The following RNF41 variants were observed in gnomAD, a reference collection of about 807,000 sequenced individuals.
RNF41 encodes the protein ring finger protein 41, also known as E3 ubiquitin-protein ligase NRDP1.
RNF41 carries 4 observed loss-of-function variants against 33.0 expected under a neutral mutation model. The observed-to-expected ratio is 0.12, with a 90% CI of 0.06 to 0.28. RNF41 has a LOEUF of 0.28. RNF41 is among the 10% of genes least tolerant of loss of function. The probability of loss-of-function intolerance (pLI) is 1.00; values close to 1 mark genes in which losing one functional copy is unlikely to be tolerated. For synonymous variants in RNF41, 164 were observed against 153.2 expected, an observed-to-expected ratio of 1.07 and a Z score of -0.52; for missense variants, 228 against 432.6, an observed-to-expected ratio of 0.53 and a Z score of 4.19.
At chr12:56,211,666 G>T (rs1868489147) in intron 3 of RNF41, among the ~76,000 whole-genome samples, 1 of 151,962 alleles carries the variant, frequency 6.6e-6, no homozygotes, top group African/African-American at 2.4e-5. Context: ...ATATTTACTG[G>T]CAAAAATTCA....
Position 56,205,873 on chromosome 12 carries a change from CAGTGGGTGCCTACACCTTT to C in RNF41, c.*555_*573del, listed in dbSNP as rs1206544588. On this transcript the variant is annotated 3_prime_UTR_variant, in exon 7 of 7. Transcript: ENST00000345093. The stretch of plus-strand genomic sequence containing the variant: ...ATCCCAACCTGCATACTGGTAGACC[CAGTGGGTGCCTACACCTTT>C]AAGGTGGGCTGAACAGGGATACTGC... 2 of 153,220 alleles carry C rather than the reference CAGTGGGTGCCTACACCTTT, an allele frequency of 1.3e-5. No individual in the cohort carries two copies. The highest frequency in any genetic ancestry group is 3.2e-3 in the Middle Eastern group (1 of 316). 9.5% of individuals were successfully genotyped at this position (153,220 alleles called of 1,614,324 possible).
intron 4 of RNF41, 79 bp downstream of exon 4, chr12:56,210,218 T>C (rs1868377751): frequency 6.8e-7 from 1 of 1,480,094 alleles, no homozygotes; most frequent in Non-Finnish European, 9.3e-7. Flanking sequence ...CCTCCTCAGC[T>C]AGTGAGGAGG....
chr12:56,208,078 G>A (rs1188761648), intron 5 of RNF41, 85 bp downstream of exon 5: 11 of 1,512,688 alleles, frequency 7.3e-6, no homozygotes, highest in East Asian at 6.8e-5. Context: ...ACTGGTCTGT[G>A]TGTTCACAAC....
chr12:56,217,672 A>G lies in RNF41; in HGVS notation c.-208-1059T>C, dbSNP rs755879811. ...TGTGGCCTATCAGGAACCGGGTCGT[A>G]CAGCAGGAGGTGAGCAGGAAACAAG... is the stretch of plus-strand genomic sequence containing the variant. On this transcript the variant is annotated intron_variant, in intron 1 of 6. Coordinates refer to ENST00000345093, the MANE Select transcript of RNF41 (RefSeq NM_005785.4). 6.9e-4 allele frequency among the ~76,000 whole-genome samples: 105 copies of G among 152,336 alleles called. 1 individual carries two copies. The highest frequency in any genetic ancestry group is 3.4e-3 in the Middle Eastern group (1 of 294).
At chr12:56,209,680 A>G (rs1357569535) in intron 4 of RNF41, among the ~76,000 whole-genome samples, 1 of 151,780 alleles carries the variant, frequency 6.6e-6, no homozygotes, top group East Asian at 1.9e-4. Flanking sequence ...GATGGTCTCA[A>G]TCTCCTGACC....
At position 56,206,482 on chromosome 12, in the gene RNF41, C is replaced by A; in HGVS notation, c.919G>T (p.Val307Phe). The A allele has an allele frequency of 6.2e-7, 1 of 1,613,916 alleles. No homozygotes were observed. Among genetic ancestry groups the A allele is most frequent in the Non-Finnish European group, 8.5e-7 (1 of 1,179,856 alleles). The change falls in exon 7 of 7, where the codon GTC (valine) becomes TTC (phenylalanine). Residue 307 changes from valine to phenylalanine, a missense_variant. Coordinates refer to ENST00000345093, the MANE Select transcript of RNF41 (RefSeq NM_005785.4). This position sits in a 1 kb window ranked among gnomAD's most constrained non-coding sequence, Gnocchi z 5.7. ...GDDMVQEPGL[V>F]MIFAHGVEEI ...TCCACGCCATGCGCAAATATCATGA[C>A]AAGGCCTGGCTCTTGCACCATGTCA...
chr12:56,207,578 C>T (rs925200559), intron 6 of RNF41, 68 bp downstream of exon 6: 28 of 1,209,426 alleles, frequency 2.3e-5, no homozygotes, highest in South Asian at 7.2e-5. Flanking sequence ...TGCTACTCTC[C>T]TGCTCTTCCT....
At chr12:56,207,332 CTA>C (rs1868289252) in intron 6 of RNF41, 1 of 1,316,766 alleles carries the variant, frequency 7.6e-7, no homozygotes, top group East Asian at 3.9e-5. Flanking sequence ...ACGATATCTT[CTA>C]TTTCTTTTTG....
Position 56,205,227 on chromosome 12 carries a change from T to G in RNF41, c.*1220A>C, listed in dbSNP as rs1488019641. On this transcript the variant is annotated 3_prime_UTR_variant, in exon 7 of 7. Coordinates refer to ENST00000345093, the MANE Select transcript of RNF41 (RefSeq NM_005785.4). ...GAAATTTTTCCAGAGGGCACAGGCA[T>G]CGATGCTGGACTGTCATATCCTTCA... 1.3e-5 allele frequency: 2 copies of G among 152,214 alleles called. No individual in the cohort carries two copies. Among genetic ancestry groups the G allele is most frequent in the African/African-American group, 4.8e-5 (2 of 41,440 alleles). 9.4% of individuals were successfully genotyped at this position (152,214 alleles called of 1,614,324 possible).
Position 56,215,582 on chromosome 12 carries a change from G to C in RNF41, c.-24+847C>G, listed in dbSNP as rs369178567. On this transcript the variant is annotated intron_variant, in intron 2 of 6. Coordinates refer to ENST00000345093, the MANE Select transcript of RNF41 (RefSeq NM_005785.4). ...AAAAATACAAAAATTAGCCAGGCGT[G>C]GTGGTGCGCACCTGTAGTCCCAGCT... is the stretch of plus-strand genomic sequence containing the variant. Among the ~76,000 whole-genome samples the C allele has an allele frequency of 3.4e-4, 51 of 152,042 alleles. No individual in the cohort carries two copies. The East Asian group carries it at 9.3e-3, about 28-fold the overall frequency.
In RNF41 at chr12:56,208,254, T is replaced by G. The variant is rs1474778922; in HGVS notation, c.407A>C (p.Lys136Thr). ...KDELPNHNCI[K>T]HLRSVVQQQQ... ...CTGCTGTACCACTGAGCGCAGGTGC[T>G]TAATGCAGTTATGGTTGGGCAGCTC... Residue 136 changes from lysine to threonine, a missense_variant, in exon 5 of 7, where the codon AAG becomes ACG. Physicochemically the swap from Lys to Thr is moderately conservative, Grantham distance 78 (BLOSUM62 -1). Coordinates refer to ENST00000345093, the MANE Select transcript of RNF41 (RefSeq NM_005785.4). 1 of 1,614,242 alleles carries G rather than the reference T, an allele frequency of 6.2e-7. No individual in the cohort carries two copies. The highest frequency in any genetic ancestry group is 2.2e-5 in the East Asian group (1 of 44,886).
At chr12:56,207,852 C>A (rs1868303284) in intron 5 of RNF41, 103 bp from the exon 6 acceptor site, 1 of 947,580 alleles carries the variant, frequency 1.1e-6, no homozygotes, top group African/African-American at 1.6e-5. Context: ...TGAAGAACAA[C>A]CAGTTTGTAA....
intron 1 of RNF41, among the ~76,000 whole-genome samples, chr12:56,217,020 G>A (rs915690967): frequency 8.9e-4 from 135 of 151,802 alleles, no homozygotes; most frequent in African/African-American, 2.5e-3. Context: ...GGCGCCTGTA[G>A]TCCCAGCTAC....
intron 4 of RNF41, chr12:56,208,520 A>C (rs1034663013): frequency 2.3e-6 from 1 of 427,834 alleles, no homozygotes; most frequent in Admixed American, 3.8e-5. Context: ...TTCCCCAATC[A>C]AGACACAGTG....
chr12:56,208,405 A>C lies in RNF41; in HGVS notation c.363-107T>G, dbSNP rs1868317830. The C allele has an allele frequency of 2.5e-6, 3 of 1,214,628 alleles. No homozygotes were observed. The East Asian group carries it at 7.4e-5, about 30-fold the overall frequency. The allele number at this position is 1,214,628 out of a possible 1,614,324, so 75.2% of individuals were successfully genotyped here. On this transcript the variant is annotated intron_variant, in intron 4 of 6. Coordinates refer to ENST00000345093, the MANE Select transcript of RNF41 (RefSeq NM_005785.4). ...CTGCTAAGTAGATTTTGTCCTACCC[A>C]AAATTTCTAACATTCATTTCAGGCC...
chr12:56,218,651 G>A (rs1224577469), intron 1 of RNF41, among the ~76,000 whole-genome samples: 1 of 150,754 alleles, frequency 6.6e-6, no homozygotes, highest in African/African-American at 2.4e-5. Context: ...AATGATACCT[G>A]CCTTATATAT....
chr12:56,220,482 G>T (rs1869300100), intron 1 of RNF41, among the ~76,000 whole-genome samples: 1 of 151,616 alleles, frequency 6.6e-6, no homozygotes, highest in Non-Finnish European at 1.5e-5. Context: ...CTCCCAAAGT[G>T]CTAGGATTAC....
chr12:56,209,920 C>T (rs114004283), intron 4 of RNF41: 25 of 249,594 alleles, frequency 1.0e-4, no homozygotes, highest in Non-Finnish European at 1.8e-4. Context: ...AACATTTAGT[C>T]GAATATTTCA....
chr12:56,203,972 T>C lies in RNF41; in HGVS notation c.*2475A>G, dbSNP rs1431100404. The C allele has an allele frequency of 6.6e-6, 1 of 152,174 alleles. No individual in the cohort carries two copies. The highest frequency in any genetic ancestry group is 2.4e-5 in the African/African-American group (1 of 41,428). 9.4% of individuals were successfully genotyped at this position (152,174 alleles called of 1,614,324 possible). A position where few individuals can be genotyped will look rare whatever the true frequency, so the allele number is the denominator to read the frequency against. ...CACCCACCTCGGCCTCCCAAAGTGCTGGGATTACAGGCGTGAGCCACCGCG... is the reference window on the plus strand; with the variant it reads ...CACCCACCTCGGCCTCCCAAAGTGCCGGGATTACAGGCGTGAGCCACCGCG... On this transcript the variant is annotated 3_prime_UTR_variant, in exon 7 of 7. Transcript: ENST00000345093.
Sources: gnomAD v4.1 joint callset for allele counts (sites outside exome capture counted in the v4.1 genomes callset) on GRCh38, gnomAD v4.1.1 for gene constraint, Gnocchi (gnomAD v3.1) non-coding constraint, MANE v1.5 for transcripts, NCBI Gene and HGNC (gene_info 2026-07-23, HGNC 2026-07-21) for gene names.